Variants in COL10A1 observed in about 807,000 individuals in gnomAD.
COL10A1 encodes collagen alpha-1(X) chain.
In COL10A1, 10 loss-of-function variants were observed where a neutral mutation model predicts 18.2. The ratio of observed to expected loss-of-function variants is 0.55; its 90% CI spans 0.34 to 0.93. The LOEUF (loss-of-function observed/expected upper bound fraction) is 0.93, where lower values mean the gene tolerates loss of function less well. COL10A1 is among the 40% of genes least tolerant of loss of function. The pLI is 0.02. For synonymous variants in COL10A1, 330 were observed against 316.6 expected (o/e 1.04, Z -0.45); for missense variants, 897 against 853.5 (o/e 1.05, Z -0.64).
At chr6:116,132,637 A>G (rs982445182) in intron 1 of COL10A1, among the ~76,000 whole-genome samples, 2 of 152,100 alleles carry the variant, frequency 1.3e-5, no homozygotes, top group African/African-American at 2.4e-5. Flanking sequence ...CCCCTGGCCT[A>G]ATGTTTAACT....
the COL10A1 span, among the ~76,000 whole-genome samples, chr6:116,209,096 A>G: frequency 4.6e-5 from 7 of 152,018 alleles, no homozygotes. Context: ...CTTTCTAGTA[A>G]TAGTGCATTA....
the COL10A1 span, among the ~76,000 whole-genome samples, chr6:116,176,785 C>A: frequency 6.6e-6 from 1 of 152,106 alleles, no homozygotes; most frequent in Non-Finnish European, 1.5e-5. Context: ...GCACTGTGGG[C>A]TAGGAGGATT....
chr6:116,168,084 T>C, the COL10A1 span, among the ~76,000 whole-genome samples: 571 of 69,522 alleles, frequency 8.2e-3, 4 homozygotes, highest in African/African-American at 0.039. Context: ...ACCTGGTGTC[T>C]TTTTTTTTTT....
intron 1 of COL10A1, among the ~76,000 whole-genome samples, chr6:116,135,926 A>G (rs1779589739): frequency 1.3e-5 from 2 of 149,562 alleles, no homozygotes; most frequent in South Asian, 4.2e-4. Context: ...TAATTAACAT[A>G]TCCATTACAT....
the COL10A1 span, among the ~76,000 whole-genome samples, chr6:116,199,997 A>AGCG: frequency 1.3e-4 from 15 of 119,704 alleles, no homozygotes; most frequent in African/African-American, 3.4e-4. Context: ...CAGTATGGAA[A>AGCG]GTGGGGGGGG....
At chr6:116,130,628 T>G (rs1779436033), upstream of COL10A1, among the ~76,000 whole-genome samples, 1 of 152,126 alleles carries the variant, frequency 6.6e-6, no homozygotes, top group Non-Finnish European at 1.5e-5. Flanking sequence ...TTCTATCTAG[T>G]GAACAGCTAA....
At chr6:116,190,127 A>G in the COL10A1 span, among the ~76,000 whole-genome samples, 96 of 152,062 alleles carry the variant, frequency 6.3e-4, 1 homozygote, top group South Asian at 0.019. Context: ...ATTACATAAG[A>G]TGTAATATCT....
At chr6:116,170,658 T>C in the COL10A1 span, among the ~76,000 whole-genome samples, 2 of 152,226 alleles carry the variant, frequency 1.3e-5, no homozygotes, top group African/African-American at 4.8e-5. Context: ...GATAAAGCCA[T>C]GTTTCTTAGC....
the COL10A1 span, among the ~76,000 whole-genome samples, chr6:116,207,538 A>G: frequency 7.2e-5 from 11 of 152,032 alleles, no homozygotes; most frequent in Non-Finnish European, 1.5e-5. Flanking sequence ...TTTATGTTTG[A>G]AAAGTATATA....
chr6:116,162,392 G>T (rs1288027097), upstream of COL10A1, among the ~76,000 whole-genome samples: 1 of 152,116 alleles, frequency 6.6e-6, no homozygotes, highest in Non-Finnish European at 1.5e-5. Context: ...TTCCCTGTAA[G>T]TATGATGTTG....
At chr6:116,131,635 G>A (rs1214159983) in intron 1 of COL10A1, among the ~76,000 whole-genome samples, 1 of 152,088 alleles carries the variant, frequency 6.6e-6, no homozygotes, top group Non-Finnish European at 1.5e-5. Flanking sequence ...CCTATAGGTG[G>A]ACATCTGTGT....
upstream of COL10A1, among the ~76,000 whole-genome samples, chr6:116,161,459 T>C (rs1450693578): frequency 6.6e-6 from 1 of 152,168 alleles, no homozygotes; most frequent in Non-Finnish European, 1.5e-5. Flanking sequence ...TGTATATAGA[T>C]AGCCAGCTTT....
chr6:116,164,684 C>T, the COL10A1 span, among the ~76,000 whole-genome samples: 2 of 152,138 alleles, frequency 1.3e-5, no homozygotes, highest in African/African-American at 4.8e-5. Context: ...TTTGTACTTA[C>T]GTGTGCTTTT....
intron 1 of COL10A1, among the ~76,000 whole-genome samples, chr6:116,144,838 A>C (rs1026441645): frequency 5.9e-5 from 9 of 152,162 alleles, no homozygotes; most frequent in African/African-American, 1.7e-4. Flanking sequence ...AATATGCATG[A>C]TAGGAGAATG....
At chr6:116,125,798 T>G in intron 1 of COL10A1, 1 of 253,694 alleles carries the variant, frequency 3.9e-6, no homozygotes, top group Non-Finnish European at 7.7e-6. Flanking sequence ...CTAGGATCTT[T>G]GACATAGCCT....
Position 116,121,866 on chromosome 6 carries a change from C to G in COL10A1, c.250G>C (p.Gly84Arg). 6.2e-7 allele frequency: 1 copy of G among 1,613,994 alleles called. No individual in the cohort carries two copies. The highest frequency in any genetic ancestry group is 8.5e-7 in the Non-Finnish European group (1 of 1,179,990). Residue 84 changes from glycine (G) to arginine (R), a missense_variant, in exon 3 of 3, where the codon GGC becomes CGC. Gly to Arg is a moderately radical substitution (Grantham distance 125). Coordinates refer to ENST00000651968, the MANE Select transcript of COL10A1 (RefSeq NM_000493.4). ...PGPSGPPGKP[G>R]YGSPGLQGEP... ...CCTTGGAGTCCAGGACTTCCGTAGC[C>G]TGGTTTTCCTGGTGGTCCAGAAGGA...
At chr6:116,133,462 T>C (rs914533898) in intron 1 of COL10A1, among the ~76,000 whole-genome samples, 1 of 152,214 alleles carries the variant, frequency 6.6e-6, no homozygotes, top group Non-Finnish European at 1.5e-5. Flanking sequence ...ATCTATAGTG[T>C]ACAAAGTAAA....
At chr6:116,141,885 A>AACACACACACACACACACACACAC (rs3051942) in intron 1 of COL10A1, among the ~76,000 whole-genome samples, 99 of 140,396 alleles carry the variant, frequency 7.1e-4, no homozygotes, top group Middle Eastern at 3.7e-3. Context: ...CCAAAAAGAA[A>AACACACACACACACACACACACAC]ACACACACAC....
chr6:116,206,642 T>C, the COL10A1 span, among the ~76,000 whole-genome samples: 1 of 152,146 alleles, frequency 6.6e-6, no homozygotes, highest in Non-Finnish European at 1.5e-5. Context: ...CTGCAAATTA[T>C]GAATTTCTTT....
Sources: gnomAD v4.1 joint callset for allele counts (sites outside exome capture counted in the v4.1 genomes callset) on GRCh38, gnomAD v4.1.1 for gene constraint, MANE v1.5 for transcripts, NCBI Gene and HGNC (gene_info 2026-07-23, HGNC 2026-07-21) for gene names.